Variants in NXPE2 observed in about 807,000 individuals in gnomAD.
NXPE2 encodes the protein neurexophilin and PC-esterase domain family member 2, also known as NXPE family member 2.
In NXPE2, 34 loss-of-function variants were observed where a neutral mutation model predicts 34.4. That is an observed-to-expected ratio of 0.99 (90% CI 0.75 to 1.31). The LOEUF (loss-of-function observed/expected upper bound fraction) is 1.31. Among genes scored for constraint, NXPE2 ranks in the 40% most tolerant of loss-of-function variants. The probability of loss-of-function intolerance (pLI) is 0.00; values close to 1 mark genes in which losing one functional copy is unlikely to be tolerated. For missense variants in NXPE2, 649 were observed against 672.5 expected (o/e 0.97, Z 0.39); for synonymous variants, 235 against 231.3 (o/e 1.02, Z -0.15).
At chr11:114,702,270 G>T (rs1951379287) in intron 3 of NXPE2, among the ~76,000 whole-genome samples, 1 of 152,090 alleles carries the variant, frequency 6.6e-6, no homozygotes, top group African/African-American at 2.4e-5. Flanking sequence ...TACAAAAACA[G>T]GAGACATTAA....
chr11:114,705,793 T>C lies in NXPE2; in HGVS notation c.941T>C (p.Ile314Thr). 1 of 1,471,048 alleles carries C rather than the reference T, an allele frequency of 6.8e-7. No individual in the cohort carries two copies. Among genetic ancestry groups the C allele is most frequent in the Admixed American group, 2.7e-5 (1 of 37,410 alleles). The allele number at this position is 1,471,048 out of a possible 1,614,324, so 91.1% of individuals were successfully genotyped here. ...EVIPCNKSEN[I>T]KKNCQIGMKT... ...TTTGTATTGCCAGAGAGCGAGAACA[T>C]AAAAAAGAACTGCCAGATTGGAATG... Residue 314 changes from isoleucine to threonine, a missense_variant, in exon 5 of 6, where the codon ATA (isoleucine) becomes ACA (threonine). Coordinates refer to ENST00000389586, the MANE Select transcript of NXPE2 (RefSeq NM_182495.6).
chr11:114,663,644 C>CTAT, the NXPE2 span, among the ~76,000 whole-genome samples: 4 of 114,706 alleles, frequency 3.5e-5, no homozygotes, highest in East Asian at 2.5e-4. Flanking sequence ...TATCATCTAT[C>CTAT]CATCTATCAT....
the NXPE2 span, among the ~76,000 whole-genome samples, chr11:114,532,819 G>C: frequency 2.6e-5 from 4 of 151,926 alleles, no homozygotes; most frequent in Non-Finnish European, 2.9e-5. Context: ...GTGAATTCAG[G>C]GTTGTAAAAA....
At chr11:114,572,901 C>G in the NXPE2 span, among the ~76,000 whole-genome samples, 1 of 152,090 alleles carries the variant, frequency 6.6e-6, no homozygotes, top group African/African-American at 2.4e-5. Context: ...ATTGCCTAGG[C>G]ACATAGTAAT....
At chr11:114,599,754 T>G in the NXPE2 span, among the ~76,000 whole-genome samples, 1 of 152,060 alleles carries the variant, frequency 6.6e-6, no homozygotes, top group Non-Finnish European at 1.5e-5. Flanking sequence ...GAGAACTCAC[T>G]CACTATACAG....
At chr11:114,717,468 A>C in the NXPE2 span, among the ~76,000 whole-genome samples, 3 of 152,178 alleles carry the variant, frequency 2.0e-5, no homozygotes, top group Admixed American at 2.0e-4. Flanking sequence ...CCAGATCCCA[A>C]ATGTTTCAAA....
chr11:114,550,711 A>G, the NXPE2 span, among the ~76,000 whole-genome samples: 1 of 152,198 alleles, frequency 6.6e-6, no homozygotes, highest in Non-Finnish European at 1.5e-5. Context: ...TTATAAGGGA[A>G]ACAGTACTGC....
the NXPE2 span, chr11:114,522,234 C>T: frequency 6.2e-7 from 1 of 1,614,082 alleles, no homozygotes; most frequent in Non-Finnish European, 8.5e-7. Context: ...CTTTCAATAG[C>T]CTTTTGAACA....
At chr11:114,809,726 G>T in the NXPE2 span, among the ~76,000 whole-genome samples, 2 of 141,262 alleles carry the variant, frequency 1.4e-5, no homozygotes, top group African/African-American at 5.3e-5. Context: ...CCATGCTCAT[G>T]GGTAGGAAGA....
downstream of NXPE2, among the ~76,000 whole-genome samples, chr11:114,708,305 G>A (rs756649584): frequency 1.3e-5 from 2 of 152,090 alleles, no homozygotes; most frequent in African/African-American, 2.4e-5. Context: ...TTAACGTACA[G>A]ACCCCAAAAC....
the NXPE2 span, among the ~76,000 whole-genome samples, chr11:114,806,724 C>T: frequency 2.9e-3 from 448 of 151,946 alleles, 6 homozygotes; most frequent in Admixed American, 0.019. Flanking sequence ...ATTGGTGTAC[C>T]TGAAAGTGAT....
chr11:114,760,623 T>A, the NXPE2 span, among the ~76,000 whole-genome samples: 1 of 152,222 alleles, frequency 6.6e-6, no homozygotes, highest in Admixed American at 6.5e-5. Flanking sequence ...CCAAAGTGCC[T>A]GTGAACAGCA....
At chr11:114,481,186 A>T in the NXPE2 span, among the ~76,000 whole-genome samples, 1 of 152,194 alleles carries the variant, frequency 6.6e-6, no homozygotes, top group African/African-American at 2.4e-5. Context: ...CAGAAGGCTT[A>T]AAACTGTGAT....
chr11:114,588,143 C>T, the NXPE2 span, among the ~76,000 whole-genome samples: 2 of 152,148 alleles, frequency 1.3e-5, no homozygotes, highest in African/African-American at 4.8e-5. Flanking sequence ...AGGGAACTAT[C>T]TGAGGCAGCT....
the NXPE2 span, among the ~76,000 whole-genome samples, chr11:114,752,264 C>G: frequency 2.0e-5 from 3 of 152,136 alleles, no homozygotes; most frequent in Non-Finnish European, 4.4e-5. Flanking sequence ...ATGGCTGAAG[C>G]CAAATGAAGG....
the NXPE2 span, chr11:114,571,534 T>C: frequency 6.5e-6 from 9 of 1,391,844 alleles, no homozygotes; most frequent in East Asian, 2.3e-5. Flanking sequence ...ATTGAGTAGA[T>C]ATAAAGATGG....
the NXPE2 span, among the ~76,000 whole-genome samples, chr11:114,587,745 C>T: frequency 6.6e-6 from 1 of 152,186 alleles, no homozygotes; most frequent in Non-Finnish European, 1.5e-5. Context: ...TAAAGGGACA[C>T]CTTTTTTCTT....
the NXPE2 span, among the ~76,000 whole-genome samples, chr11:114,609,483 G>C: frequency 1.3e-5 from 2 of 151,814 alleles, no homozygotes; most frequent in South Asian, 2.1e-4. Context: ...TTGCCTCTAG[G>C]GTAACCATTG....
At chr11:114,501,785 C>T in the NXPE2 span, among the ~76,000 whole-genome samples, 289 of 152,204 alleles carry the variant, frequency 1.9e-3, no homozygotes, top group African/African-American at 6.8e-3. Flanking sequence ...AGTATCTCAA[C>T]GTATCAGTGA....
Sources: gnomAD v4.1 joint callset for allele counts (sites outside exome capture counted in the v4.1 genomes callset) on GRCh38, gnomAD v4.1.1 for gene constraint, MANE v1.5 for transcripts, NCBI Gene and HGNC (gene_info 2026-07-23, HGNC 2026-07-21) for gene names.